SLC26A11: variants seen among roughly 807,000 people sequenced by gnomAD.
SLC26A11 encodes the protein solute carrier family 26 member 11.
A neutral mutation model predicts 62.2 loss-of-function variants in SLC26A11; 58 were observed. The observed-to-expected ratio is 0.93, with a 90% CI of 0.76 to 1.16. The LOEUF is 1.16. Ranked by LOEUF, SLC26A11 falls within the 50% of genes most tolerant of loss-of-function variation. The pLI is 0.00. For missense variants in SLC26A11, 790 were observed against 794.3 expected (o/e 0.99, Z 0.06); for synonymous variants, 411 against 368.9 (o/e 1.11, Z -1.31).
Position 80,246,211 on chromosome 17 carries a change from T to TAAGGCCCCCA in SLC26A11, c.1153+11_1153+12insAAAGGCCCCC, listed in dbSNP as rs751442949. On this transcript the variant is annotated splice_region_variant and intron_variant, in intron 12 of 17. Transcript: ENST00000361193. This position sits in a 1 kb window ranked among gnomAD's most constrained non-coding sequence, Gnocchi z 4.4. ...CCCCGGCGGGGGGCCTGGTGACGGG[T>TAAGGCCCCCA]AAGGCCCCCCATCTTCCCCTTGTGC... 1.2e-6 allele frequency: 2 copies of TAAGGCCCCCA among 1,609,578 alleles called. No individual in the cohort carries two copies. Among genetic ancestry groups the TAAGGCCCCCA allele is most frequent in the African/African-American group, 2.7e-5 (2 of 74,698 alleles).
chr17:80,248,776 A>G, intron 15 of SLC26A11, 102 bp downstream of exon 15: 1 of 1,140,112 alleles, frequency 8.8e-7, no homozygotes. Flanking sequence ...AACGCTCTCC[A>G]GTCCACAAGG....
chr17:80,241,895 C>T (rs2042875208), intron 10 of SLC26A11, 74 bp downstream of exon 10: 1 of 1,502,746 alleles, frequency 6.7e-7, no homozygotes, highest in Non-Finnish European at 9.3e-7. Context: ...CTCTGTGTCT[C>T]CTGCATTGTA....
chr17:80,221,430 C>G, intron 2 of SLC26A11, 118 bp from the exon 3 acceptor site: 1 of 707,770 alleles, frequency 1.4e-6, no homozygotes, highest in Non-Finnish European at 2.3e-6. Context: ...CCGTTCGCCC[C>G]CCTGGGGAGG....
chr17:80,220,725 C>A (rs1028747677), intron 1 of SLC26A11, among the ~76,000 whole-genome samples, 191 bp from the exon 2 acceptor site: 3 of 147,062 alleles, frequency 2.0e-5, no homozygotes, highest in Admixed American at 6.6e-5. Context: ...GGGTCTCCTC[C>A]GGAGACCCCA....
At chr17:80,247,812 C>T (rs2043048362) in intron 13 of SLC26A11, among the ~76,000 whole-genome samples, 2 of 152,182 alleles carry the variant, frequency 1.3e-5, no homozygotes, top group African/African-American at 4.8e-5. Context: ...CTCAAGGGCT[C>T]ACGTGGTCCC....
chr17:80,251,364 G>A lies in SLC26A11; in HGVS notation c.1692G>A (p.Leu564=), dbSNP rs1437571778. ...TCCGTGTCCTGCTGTCCGCTGACCT[G>A]AAGGGGTTCCAGTACTTCTCTACCC... is the stretch of plus-strand genomic sequence containing the variant. The part of the protein sequence containing the change: ...PVLRVLLSAD[L]KGFQYFSTLE... Residue 564 remains leucine, a synonymous_variant, in exon 17 of 18, where the codon CTG becomes CTA. Transcript: ENST00000361193. 1 of 1,614,134 alleles carries A rather than the reference G, an allele frequency of 6.2e-7. No individual in the cohort carries two copies. The highest frequency in any genetic ancestry group is 8.5e-7 in the Non-Finnish European group (1 of 1,179,992).
intron 9 of SLC26A11, among the ~76,000 whole-genome samples, chr17:80,239,566 T>C (rs999786940): frequency 2.6e-5 from 4 of 151,912 alleles, no homozygotes; most frequent in African/African-American, 7.3e-5. Context: ...ATTTTTTGTA[T>C]TTTTAGTAGA....
At chr17:80,245,575 C>A (rs1302197535) in intron 11 of SLC26A11, among the ~76,000 whole-genome samples, 2 of 152,178 alleles carry the variant, frequency 1.3e-5, no homozygotes, top group African/African-American at 2.4e-5. Flanking sequence ...TGTGACCGCA[C>A]CGCTGCACTC....
chr17:80,229,420 T>G (rs1288148060), intron 7 of SLC26A11, among the ~76,000 whole-genome samples: 1 of 150,140 alleles, frequency 6.7e-6, no homozygotes. Context: ...TTTGTTATCT[T>G]TGTTATCTTT....
chr17:80,239,816 T>C (rs1459246253), intron 9 of SLC26A11, among the ~76,000 whole-genome samples: 2 of 152,264 alleles, frequency 1.3e-5, no homozygotes, highest in Non-Finnish European at 2.9e-5. Flanking sequence ...GGCCAGTTTT[T>C]ACATTTCTGA....
chr17:80,249,014 A>G, intron 15 of SLC26A11, 140 bp from the exon 16 acceptor site: 1 of 1,063,624 alleles, frequency 9.4e-7, no homozygotes, highest in Non-Finnish European at 1.3e-6. Flanking sequence ...CGAATCCCCC[A>G]ACTGGGCGAC....
rs1288130481 is a variant in SLC26A11 at position 80,246,568 on chromosome 17, T to C, written c.1213T>C (p.Ser405Pro). 6.2e-7 allele frequency: 1 copy of C among 1,613,906 alleles called. No homozygotes were observed. The highest frequency in any genetic ancestry group is 1.1e-5 in the South Asian group (1 of 91,086). The part of the protein sequence containing the change: ...LTSLFYYIPK[S>P]ALAAVIIMAV... ...CTCACTGTTCTACTACATCCCCAAG[T>C]CTGCCCTGGCTGCCGTCATCATCAT... is the stretch of plus-strand genomic sequence containing the variant. Residue 405 changes from serine to proline, a missense_variant, in exon 13 of 18, where the codon TCT (serine) becomes CCT (proline). Coordinates refer to ENST00000361193, the MANE Select transcript of SLC26A11 (RefSeq NM_001166347.2). The surrounding 1 kb of genome is among the most constrained non-coding windows in gnomAD (Gnocchi z 4.4).
chr17:80,249,214 T>A lies in SLC26A11; in HGVS notation c.1583T>A (p.Val528Glu). Residue 528 changes from valine to glutamate, a missense_variant, in exon 16 of 18, where the codon GTG becomes GAG. Coordinates refer to ENST00000361193, the MANE Select transcript of SLC26A11 (RefSeq NM_001166347.2). Reference sequence around the variant, plus strand: ...CATGTCTGCAGCATCGACTACACTGTGGTGCTGGGACTCGGCGAGCTCCTC... The same window carrying A: ...CATGTCTGCAGCATCGACTACACTGAGGTGCTGGGACTCGGCGAGCTCCTC... ...CTHVCSIDYT[V>E]VLGLGELLQD... The A allele has an allele frequency of 6.2e-7, 1 of 1,611,382 alleles. No homozygotes were observed. Among genetic ancestry groups the A allele is most frequent in the South Asian group, 1.1e-5 (1 of 90,998 alleles).
rs1379126138 is a variant in SLC26A11 at position 80,221,765 on chromosome 17, T to C, written c.205T>C (p.Tyr69His). The change falls in exon 3 of 18, where the codon TAT becomes CAT. Residue 69 changes from tyrosine to histidine, a missense_variant. Tyr to His is a moderately conservative substitution (Grantham distance 83). Coordinates refer to ENST00000361193, the MANE Select transcript of SLC26A11 (RefSeq NM_001166347.2). Reference protein sequence around the residue: ...GLTAIPQALAYAEVAGLPPQY... With the variant: ...GLTAIPQALAHAEVAGLPPQY... The stretch of plus-strand genomic sequence containing the variant: ...CACTGCCATTCCCCAGGCGCTGGCC[T>C]ATGCTGAAGTGGCTGGACTCCCGCC... 2 of 1,612,654 alleles carry C rather than the reference T, an allele frequency of 1.2e-6. No individual in the cohort carries two copies. The highest frequency in any genetic ancestry group is 1.7e-6 in the Non-Finnish European group (2 of 1,179,980).
intron 5 of SLC26A11, chr17:80,225,451 G>A (rs1244958029): frequency 1.3e-5 from 3 of 224,934 alleles, no homozygotes; most frequent in South Asian, 1.3e-4. Flanking sequence ...CACTGCAGGG[G>A]GCCTGGCTGC....
rs766730336 is a variant in SLC26A11 at position 80,221,551 on chromosome 17, C to T, written c.-10C>T. ...CTGTGTCACCTGCACCCCCCAGCCC[C>T]ACCGTAGAGATGCCTTCTTCGGTGA... On this transcript the variant is annotated 5_prime_UTR_variant, in exon 3 of 18. Transcript: ENST00000361193. 1.9e-6 allele frequency: 3 copies of T among 1,574,424 alleles called. No individual in the cohort carries two copies. Among genetic ancestry groups the T allele is most frequent in the Non-Finnish European group, 8.6e-7 (1 of 1,164,480 alleles).
chr17:80,246,288 C>A lies in SLC26A11; in HGVS notation c.1153+79C>A, dbSNP rs2042993783. 1 of 1,539,432 alleles carries A rather than the reference C, an allele frequency of 6.5e-7. No individual in the cohort carries two copies. The highest frequency in any genetic ancestry group is 1.2e-5 in the South Asian group (1 of 81,702). ...GAGGAGGGGGCCCACAGAGACGTCC[C>A]TTTGGCTCATGGGCCGTGCGCCCCG... On this transcript the variant is annotated intron_variant, in intron 12 of 17. Coordinates refer to ENST00000361193, the MANE Select transcript of SLC26A11 (RefSeq NM_001166347.2). The surrounding 1 kb of genome is among the most constrained non-coding windows in gnomAD (Gnocchi z 4.4).
intron 3 of SLC26A11, 184 bp downstream of exon 3, chr17:80,221,978 A>C: frequency 1.6e-6 from 1 of 630,022 alleles, no homozygotes; most frequent in Non-Finnish European, 2.7e-6. Context: ...TTTGGCACAC[A>C]CAGACACTGA....
At chr17:80,242,576 A>C (rs1167014413) in intron 10 of SLC26A11, among the ~76,000 whole-genome samples, 2 of 152,168 alleles carry the variant, frequency 1.3e-5, no homozygotes, top group African/African-American at 4.8e-5. Flanking sequence ...GGGCAGGTGG[A>C]TTCATGAAGA....
Sources: gnomAD v4.1 joint callset for allele counts (sites outside exome capture counted in the v4.1 genomes callset) on GRCh38, gnomAD v4.1.1 for gene constraint, Gnocchi (gnomAD v3.1) non-coding constraint, MANE v1.5 for transcripts, NCBI Gene and HGNC (gene_info 2026-07-23, HGNC 2026-07-21) for gene names.